KLHL2: variants seen among roughly 807,000 people sequenced by gnomAD.
KLHL2 encodes kelch-like protein 2.
KLHL2 carries 15 observed loss-of-function variants against 75.8 expected under a neutral mutation model. That is an observed-to-expected ratio of 0.20 (90% CI 0.13 to 0.30). KLHL2 has a LOEUF of 0.30. KLHL2 is among the 10% of genes least tolerant of loss of function. KLHL2 has a pLI of 1.00. For missense variants in KLHL2, 381 were observed against 741.0 expected (o/e 0.51, Z 5.64); for synonymous variants, 214 against 251.9 (o/e 0.85, Z 1.42).
intron 4 of KLHL2, among the ~76,000 whole-genome samples, chr4:165,258,154 T>C (rs1242292133): frequency 1.3e-5 from 2 of 152,220 alleles, no homozygotes; most frequent in Non-Finnish European, 2.9e-5. Context: ...TTTTGGCTTT[T>C]GGAGTGTGGC....
At position 165,264,614 on chromosome 4, in the gene KLHL2, A is replaced by ACC. The variant is rs1560783313; in HGVS notation, c.544+1256_544+1257insCC. Among the ~76,000 whole-genome samples, 25 of 143,210 alleles carry ACC rather than the reference A, an allele frequency of 1.7e-4. 1 individual carries two copies. Among genetic ancestry groups the ACC allele is most frequent in the Admixed American group, 9.3e-4 (13 of 14,018 alleles). 94.0% of individuals were successfully genotyped at this position (143,210 alleles called of 152,430 possible). A position where few individuals can be genotyped will look rare whatever the true frequency, so the allele number is the denominator to read the frequency against. On this transcript the variant is annotated intron_variant, in intron 5 of 14. Coordinates refer to ENST00000226725, the MANE Select transcript of KLHL2 (RefSeq NM_007246.4). ...TATATATATATATATATACACACAC[A>ACC]CACGTACGTATATACACGTATATAT...
chr4:165,257,112 A>G (rs1741239755), intron 4 of KLHL2, among the ~76,000 whole-genome samples: 1 of 152,228 alleles, frequency 6.6e-6, no homozygotes, highest in Admixed American at 6.5e-5. Flanking sequence ...GTATATTCAC[A>G]TTCGCAGTTT....
At chr4:165,297,398 T>C (rs577711950) in intron 6 of KLHL2, among the ~76,000 whole-genome samples, 6 of 149,498 alleles carry the variant, frequency 4.0e-5, no homozygotes, top group Admixed American at 3.9e-4. Flanking sequence ...CTTTATTATT[T>C]TGGGTAAATA....
chr4:165,247,092 G>A (rs1740321205), intron 4 of KLHL2, among the ~76,000 whole-genome samples: 1 of 152,220 alleles, frequency 6.6e-6, no homozygotes, highest in African/African-American at 2.4e-5. Flanking sequence ...GGTCAAGAAA[G>A]TGAATTGAGC....
In KLHL2 at chr4:165,264,605, T is replaced by TATATAC. The variant is rs757273597; in HGVS notation, c.544+1247_544+1248insTATACA. Among the ~76,000 whole-genome samples, 1,049 of 124,056 alleles carry TATATAC rather than the reference T, an allele frequency of 8.5e-3. 15 individuals are homozygous for TATATAC. Among genetic ancestry groups the TATATAC allele is most frequent in the African/African-American group, 0.031 (999 of 32,260 alleles). The allele number at this position is 124,056 out of a possible 152,430, so 81.4% of individuals were successfully genotyped here. A position where few individuals can be genotyped will look rare whatever the true frequency, so the allele number is the denominator to read the frequency against. On this transcript the variant is annotated intron_variant, in intron 5 of 14. Coordinates refer to ENST00000226725, the MANE Select transcript of KLHL2 (RefSeq NM_007246.4). ...TCCATCATATATATATATATATATA[T>TATATAC]ACACACACACACGTACGTATATACA...
chr4:165,313,265 A>G lies in KLHL2; in HGVS notation c.1367A>G (p.Asp456Gly). Residue 456 changes from aspartate to glycine, a missense_variant, in exon 12 of 15, where the codon GAT becomes GGT. By Grantham distance (94) the Asp-to-Gly change is moderately conservative (BLOSUM62 -1). This residue lies in a region of KLHL2 where 168 missense variants were observed against 370.4 expected (regional missense o/e 0.45). Coordinates refer to ENST00000226725, the MANE Select transcript of KLHL2 (RefSeq NM_007246.4). ...GGLLYAVGGY[D>G]GASRQCLSTV... is the part of the protein sequence containing the mutation. Reference sequence around the variant, plus strand: ...TTGCTCTATGCTGTAGGAGGTTATGATGGAGCATCACGTCAGTGTCTTAGC... The same window carrying G: ...TTGCTCTATGCTGTAGGAGGTTATGGTGGAGCATCACGTCAGTGTCTTAGC... 5.6e-6 allele frequency: 9 copies of G among 1,610,982 alleles called. No homozygotes were observed. The highest frequency in any genetic ancestry group is 7.6e-6 in the Non-Finnish European group (9 of 1,178,692).
intron 5 of KLHL2, among the ~76,000 whole-genome samples, chr4:165,286,773 G>A (rs183867751): frequency 7.9e-5 from 12 of 152,324 alleles, no homozygotes; most frequent in Non-Finnish European, 1.8e-4. Flanking sequence ...TAGGACAGCA[G>A]CCAAACATAG....
intron 2 of KLHL2, among the ~76,000 whole-genome samples, chr4:165,225,909 A>G (rs1443335085): frequency 2.0e-5 from 3 of 152,234 alleles, no homozygotes; most frequent in African/African-American, 7.2e-5. Flanking sequence ...TTTTAACCTT[A>G]TTAGTTAACT....
chr4:165,320,485 C>A (rs1388453142), intron 14 of KLHL2, among the ~76,000 whole-genome samples: 1 of 152,112 alleles, frequency 6.6e-6, no homozygotes, highest in African/African-American at 2.4e-5. Flanking sequence ...ATGAGTTCAA[C>A]ACCAAAGGCA....
At chr4:165,311,236 A>G (rs1482646048) in intron 10 of KLHL2, among the ~76,000 whole-genome samples, 2 of 152,158 alleles carry the variant, frequency 1.3e-5, no homozygotes, top group Non-Finnish European at 2.9e-5. Flanking sequence ...TTTCTTATGC[A>G]TCAGTATCAG....
intron 6 of KLHL2, among the ~76,000 whole-genome samples, chr4:165,295,710 A>T (rs1744857856): frequency 6.6e-6 from 1 of 152,232 alleles, no homozygotes; most frequent in African/African-American, 2.4e-5. Flanking sequence ...ATGGGTGGGA[A>T]TGCAGAGGGC....
chr4:165,214,651 T>C (rs1187333998), intron 1 of KLHL2, among the ~76,000 whole-genome samples: 2 of 152,178 alleles, frequency 1.3e-5, no homozygotes, highest in African/African-American at 4.8e-5. Context: ...GCCGCACAAC[T>C]GAGTTCTCCA....
chr4:165,251,964 C>A (rs551685228), intron 4 of KLHL2, among the ~76,000 whole-genome samples: 1 of 152,194 alleles, frequency 6.6e-6, no homozygotes, highest in South Asian at 2.1e-4. Flanking sequence ...ACTCTAGAAG[C>A]GTTAGTAATT....
intron 4 of KLHL2, among the ~76,000 whole-genome samples, chr4:165,239,181 T>A (rs1361983535): frequency 6.6e-6 from 1 of 152,162 alleles, no homozygotes; most frequent in Admixed American, 6.5e-5. Context: ...TGTTGATTGA[T>A]GCTGCCCACA....
intron 9 of KLHL2, among the ~76,000 whole-genome samples, chr4:165,306,171 G>T (rs899950992): frequency 2.0e-5 from 3 of 152,214 alleles, no homozygotes; most frequent in African/African-American, 7.2e-5. Context: ...ATCAAAAGAA[G>T]CAGTTATTAT....
At chr4:165,216,885 C>T (rs921150310) in intron 1 of KLHL2, among the ~76,000 whole-genome samples, 1 of 152,124 alleles carries the variant, frequency 6.6e-6, no homozygotes, top group African/African-American at 2.4e-5. Flanking sequence ...ATAAAGTCTT[C>T]TTTGCAGGGT....
In KLHL2 at chr4:165,321,106, C is replaced by G. The variant is rs140264531; in HGVS notation, c.1754-926C>G. On this transcript the variant is annotated intron_variant, in intron 14 of 14. Transcript: ENST00000226725. ...GTAACTGAAGAAAGTAGTGGAAAGA[C>G]GATTGGTATTATGTGGAAACATTTT... is the stretch of plus-strand genomic sequence containing the variant. Among the ~76,000 whole-genome samples the G allele has an allele frequency of 6.6e-5, 10 of 152,188 alleles. No homozygotes were observed. The East Asian group carries it at 1.5e-3, about 24-fold the overall frequency.
At chr4:165,276,289 C>T (rs1743090256) in intron 5 of KLHL2, among the ~76,000 whole-genome samples, 1 of 152,234 alleles carries the variant, frequency 6.6e-6, no homozygotes, top group Non-Finnish European at 1.5e-5. Context: ...TGTCCAGCTT[C>T]TGTCCTTTCC....
chr4:165,265,813 T>C (rs1042278342), intron 5 of KLHL2, among the ~76,000 whole-genome samples: 1 of 152,224 alleles, frequency 6.6e-6, no homozygotes, highest in African/African-American at 2.4e-5. Flanking sequence ...TAGTATGATA[T>C]ATAATGCTTT....
Sources: gnomAD v4.1 joint callset for allele counts (sites outside exome capture counted in the v4.1 genomes callset) on GRCh38, gnomAD v4.1.1 for gene constraint, gnomAD v4.1.1 regional missense constraint, MANE v1.5 for transcripts, NCBI Gene and HGNC (gene_info 2026-07-23, HGNC 2026-07-21) for gene names.